Variants in LRRC7 observed in about 807,000 individuals in gnomAD.
The protein encoded by LRRC7 is leucine-rich repeat-containing protein 7.
In LRRC7, 23 loss-of-function variants were observed where a neutral mutation model predicts 175.7. The observed-to-expected ratio is 0.13, with a 90% CI of 0.09 to 0.19. The LOEUF (loss-of-function observed/expected upper bound fraction) is 0.19. LRRC7 is among the 10% of genes least tolerant of loss of function. LRRC7 has a pLI of 1.00. For missense variants in LRRC7, 1,354 were observed against 1,904.7 expected (o/e 0.71, Z 5.38); for synonymous variants, 685 against 680.9 (o/e 1.01, Z -0.09).
chr1:69,637,769 A>C (rs907716009), intron 1 of LRRC7, among the ~76,000 whole-genome samples: 5 of 151,946 alleles, frequency 3.3e-5, no homozygotes, highest in Non-Finnish European at 7.4e-5. Flanking sequence ...GAATCATTTT[A>C]ATATGTCAAC....
intron 2 of LRRC7, among the ~76,000 whole-genome samples, chr1:69,750,077 T>TAAAC (rs1348763445): frequency 9.1e-6 from 1 of 110,252 alleles, no homozygotes; most frequent in African/African-American, 3.8e-5. Flanking sequence ...AATAAATAAA[T>TAAAC]AAATAAATAA....
chr1:70,128,669 A>G lies in LRRC7; in HGVS notation c.*6782A>G, dbSNP rs1246162371. 2 of 152,194 alleles carry G rather than the reference A, an allele frequency of 1.3e-5. No individual in the cohort carries two copies. Among genetic ancestry groups the G allele is most frequent in the Admixed American group, 1.3e-4 (2 of 15,278 alleles). The allele number at this position is 152,194 out of a possible 1,614,324, so 9.4% of individuals were successfully genotyped here. A position where few individuals can be genotyped will look rare whatever the true frequency, so the allele number is the denominator to read the frequency against. ...TATGATTATAAATATTAAAATAAAT[A>G]TTTGTTGGGCATCAACTACATATCA... On this transcript the variant is annotated 3_prime_UTR_variant, in exon 27 of 27. Coordinates refer to ENST00000651989, the MANE Select transcript of LRRC7 (RefSeq NM_001370785.2).
At chr1:70,112,246 T>C (rs1665574840) in intron 26 of LRRC7, among the ~76,000 whole-genome samples, 1 of 152,154 alleles carries the variant, frequency 6.6e-6, no homozygotes, top group African/African-American at 2.4e-5. Context: ...TTTTTACTTT[T>C]TTAAAGTTAG....
At chr1:69,658,567 G>A (rs554010199) in intron 1 of LRRC7, among the ~76,000 whole-genome samples, 36 of 152,002 alleles carry the variant, frequency 2.4e-4, no homozygotes, top group Non-Finnish European at 3.7e-4. Context: ...AAATGGTCTT[G>A]GAGTCGGGAA....
intron 7 of LRRC7, chr1:69,874,718 A>G (rs1685885062): frequency 6.6e-6 from 1 of 152,130 alleles, no homozygotes; most frequent in Admixed American, 6.6e-5. Flanking sequence ...TGTGAAATAT[A>G]TAAATATAAA....
chr1:69,574,816 T>C (rs749174882), intron 1 of LRRC7, among the ~76,000 whole-genome samples: 6 of 152,134 alleles, frequency 3.9e-5, no homozygotes, highest in Non-Finnish European at 8.8e-5. Context: ...TCCGGTGTTC[T>C]TCTGATCAGT....
chr1:69,994,106 C>T (rs1259672204), intron 10 of LRRC7, among the ~76,000 whole-genome samples: 1 of 152,146 alleles, frequency 6.6e-6, no homozygotes. Flanking sequence ...CGCTGCATTG[C>T]AATACTTCAG....
intron 1 of LRRC7, among the ~76,000 whole-genome samples, chr1:69,579,300 G>A (rs1403106904): frequency 1.3e-5 from 2 of 152,074 alleles, no homozygotes; most frequent in Non-Finnish European, 2.9e-5. Flanking sequence ...CCGTTAATTT[G>A]AATATGAATA....
chr1:69,805,326 C>T (rs1676986462), intron 4 of LRRC7, among the ~76,000 whole-genome samples: 1 of 151,642 alleles, frequency 6.6e-6, no homozygotes, highest in Non-Finnish European at 1.5e-5. Context: ...TGATAGAAAT[C>T]TTTAAACATC....
chr1:69,856,468 G>A (rs1239751329), intron 7 of LRRC7, among the ~76,000 whole-genome samples: 3 of 152,130 alleles, frequency 2.0e-5, no homozygotes, highest in Non-Finnish European at 4.4e-5. Flanking sequence ...ACTACCATCA[G>A]AGAATACTAT....
chr1:69,938,070 TAGC>T (rs1400678240), intron 8 of LRRC7, among the ~76,000 whole-genome samples: 1 of 151,978 alleles, frequency 6.6e-6, no homozygotes, highest in Non-Finnish European at 1.5e-5. Context: ...ATTGAAATGA[TAGC>T]AGCAAAAATA....
chr1:70,014,751 ATGATTCC>A (rs1656820652), intron 13 of LRRC7, among the ~76,000 whole-genome samples: 1 of 152,084 alleles, frequency 6.6e-6, no homozygotes, highest in Admixed American at 6.6e-5. Flanking sequence ...GTTAGGAACA[ATGATTCC>A]TCTGCCTTGT....
At chr1:69,877,220 C>T (rs1468499590) in intron 7 of LRRC7, among the ~76,000 whole-genome samples, 4 of 152,008 alleles carry the variant, frequency 2.6e-5, no homozygotes, top group African/African-American at 9.7e-5. Flanking sequence ...CGGAATGACA[C>T]GTTAGATTTG....
intron 11 of LRRC7, among the ~76,000 whole-genome samples, chr1:70,008,048 AT>A (rs1656147511): frequency 6.6e-6 from 1 of 152,184 alleles, no homozygotes. Context: ...CTTATTAAGT[AT>A]TAACTTACAC....
In LRRC7 at chr1:70,132,026, G is replaced by A. The variant is rs528072611; in HGVS notation, c.*10139G>A. On this transcript the variant is annotated 3_prime_UTR_variant, in exon 27 of 27. Transcript: ENST00000651989. ...GGGGAATTAATAAGTTATTAAGGAAGAAAGAATGAGAAAGACAAAAGAAGG... is the reference window on the plus strand; with the variant it reads ...GGGGAATTAATAAGTTATTAAGGAAAAAAGAATGAGAAAGACAAAAGAAGG... Among the ~76,000 whole-genome samples, 1 of 152,244 alleles carries A rather than the reference G, an allele frequency of 6.6e-6. No homozygotes were observed. The highest frequency in any genetic ancestry group is 2.4e-5 in the African/African-American group (1 of 41,560).
At chr1:70,086,326 C>T (rs1663605876) in intron 24 of LRRC7, among the ~76,000 whole-genome samples, 1 of 151,898 alleles carries the variant, frequency 6.6e-6, no homozygotes, top group South Asian at 2.1e-4. Flanking sequence ...AAAAGCCTTT[C>T]CAAAATAAGA....
intron 1 of LRRC7, among the ~76,000 whole-genome samples, chr1:69,636,050 A>C (rs993905980): frequency 3.9e-5 from 6 of 152,158 alleles, no homozygotes; most frequent in Admixed American, 2.0e-4. Flanking sequence ...TGTTTAGGAC[A>C]TATTCATTGA....
chr1:69,637,838 C>A (rs1463596729), intron 1 of LRRC7, among the ~76,000 whole-genome samples: 2 of 151,818 alleles, frequency 1.3e-5, no homozygotes, highest in African/African-American at 2.4e-5. Context: ...CTTGATGAAG[C>A]AAAGCTGAAT....
intron 23 of LRRC7, among the ~76,000 whole-genome samples, chr1:70,067,922 T>C (rs1662099653): frequency 6.6e-6 from 1 of 152,194 alleles, no homozygotes; most frequent in South Asian, 2.1e-4. Flanking sequence ...TGTTCATTGC[T>C]AGCATACATA....
Sources: allele counts gnomAD v4.1 joint callset (sites outside exome capture counted in the v4.1 genomes callset), GRCh38; gene constraint gnomAD v4.1.1; transcripts MANE v1.5; gene names NCBI Gene and HGNC (gene_info 2026-07-23, HGNC 2026-07-21).